TNFRSF8: variants seen among roughly 807,000 people sequenced by gnomAD.
The protein encoded by TNFRSF8 is tumor necrosis factor receptor superfamily member 8.
In TNFRSF8, 26 loss-of-function variants were observed where a neutral mutation model predicts 70.8. That is an observed-to-expected ratio of 0.37 (90% CI 0.27 to 0.51). The LOEUF (loss-of-function observed/expected upper bound fraction) is 0.51. Among genes scored for constraint, TNFRSF8 ranks in the 20% least tolerant of loss-of-function variants. TNFRSF8 has a pLI of 0.94. For synonymous variants in TNFRSF8, 356 were observed against 339.2 expected (o/e 1.05, Z -0.54); for missense variants, 720 against 807.9 (o/e 0.89, Z 1.32).
At chr1:12,079,973 G>A (rs1641035144) in intron 1 of TNFRSF8, among the ~76,000 whole-genome samples, 1 of 146,980 alleles carries the variant, frequency 6.8e-6, no homozygotes, top group African/African-American at 2.5e-5. Context: ...TTTTGAGGCA[G>A]GGTCTCACTC....
rs1393616606 is a variant in TNFRSF8, at chr1:12,108,303, C to T, written c.422-1263C>T. ...CTATGTTGTCCAGGCTGGTCTCGAACTCCTGACCTCATGATCCGCCCACCT... is the reference window on the plus strand; with the variant it reads ...CTATGTTGTCCAGGCTGGTCTCGAATTCCTGACCTCATGATCCGCCCACCT... On this transcript the variant is annotated intron_variant, in intron 4 of 14. Transcript: ENST00000263932. This position sits in a 1 kb window ranked among gnomAD's most constrained non-coding sequence, Gnocchi z 4.0. Among the ~76,000 whole-genome samples, 1 of 151,152 alleles carries T rather than the reference C, an allele frequency of 6.6e-6. No homozygotes were observed. The highest frequency in any genetic ancestry group is 1.5e-5 in the Non-Finnish European group (1 of 67,826).
intron 4 of TNFRSF8, among the ~76,000 whole-genome samples, chr1:12,105,571 T>TCACA (rs1375624859): frequency 1.7e-4 from 8 of 47,150 alleles, no homozygotes; most frequent in South Asian, 1.5e-3. Context: ...TCTCTCTCTG[T>TCACA]CTCACACACA....
At chr1:12,117,561 C>T (rs538981895) in intron 8 of TNFRSF8, among the ~76,000 whole-genome samples, 7 of 152,142 alleles carry the variant, frequency 4.6e-5, no homozygotes, top group African/African-American at 1.2e-4. Flanking sequence ...TCACACTCTC[C>T]GCCCATGGGC....
chr1:12,067,385 C>T (rs565179367), intron 1 of TNFRSF8, among the ~76,000 whole-genome samples: 2 of 152,228 alleles, frequency 1.3e-5, no homozygotes, highest in Admixed American at 1.3e-4. Flanking sequence ...CAGGAAGGTT[C>T]TCATGAAAGT....
At chr1:12,130,799 T>C (rs1382035163) in intron 12 of TNFRSF8, among the ~76,000 whole-genome samples, 1 of 152,218 alleles carries the variant, frequency 6.6e-6, no homozygotes, top group African/African-American at 2.4e-5. Context: ...AAGAAGACAG[T>C]GGTTATTCCA....
chr1:12,102,319 TGAG>T (rs1425809000), intron 3 of TNFRSF8, among the ~76,000 whole-genome samples: 2 of 152,192 alleles, frequency 1.3e-5, no homozygotes, highest in Non-Finnish European at 1.5e-5. Context: ...GCATGAGTGA[TGAG>T]GAGCTATCCA....
chr1:12,143,172 C>T lies in TNFRSF8; in HGVS notation c.*641C>T, dbSNP rs2101056223. 6.5e-6 allele frequency: 1 copy of T among 152,734 alleles called. No individual in the cohort carries two copies. Among genetic ancestry groups the T allele is most frequent in the South Asian group, 2.1e-4 (1 of 4,872 alleles). 9.5% of individuals were successfully genotyped at this position (152,734 alleles called of 1,614,324 possible). Reference sequence around the variant, plus strand: ...AGGGCCCCTGCCTGGACTGTGGGACCCTCCTGGTGCTGCCCACCTTCCCTG... The same window carrying T: ...AGGGCCCCTGCCTGGACTGTGGGACTCTCCTGGTGCTGCCCACCTTCCCTG... On this transcript the variant is annotated 3_prime_UTR_variant, in exon 15 of 15. Coordinates refer to ENST00000263932, the MANE Select transcript of TNFRSF8 (RefSeq NM_001243.5). This position sits in a 1 kb window ranked among gnomAD's most constrained non-coding sequence, Gnocchi z 4.1.
At chr1:12,064,200 C>G (rs1640697934) in intron 1 of TNFRSF8, among the ~76,000 whole-genome samples, 1 of 152,168 alleles carries the variant, frequency 6.6e-6, no homozygotes, top group Non-Finnish European at 1.5e-5. Flanking sequence ...ATTAGCTTCC[C>G]CAATCCGCGT....
intron 14 of TNFRSF8, among the ~76,000 whole-genome samples, chr1:12,139,733 C>T (rs1642219330): frequency 6.6e-6 from 1 of 152,190 alleles, no homozygotes; most frequent in Admixed American, 6.5e-5. Context: ...GGGCAGTCAT[C>T]TTCTCTTTTT....
intron 1 of TNFRSF8, among the ~76,000 whole-genome samples, chr1:12,082,487 C>A (rs1641081477): frequency 6.7e-6 from 1 of 149,666 alleles, no homozygotes; most frequent in Non-Finnish European, 1.5e-5. Context: ...GAGGCTGAGG[C>A]TGCAGTGAGC....
At chr1:12,107,467 G>A (rs1374189547) in intron 4 of TNFRSF8, among the ~76,000 whole-genome samples, 2 of 152,060 alleles carry the variant, frequency 1.3e-5, no homozygotes, top group East Asian at 3.8e-4. Context: ...TGTACAATAT[G>A]CACTGGATTT....
In TNFRSF8 at chr1:12,138,304, A is replaced by G. The variant is rs767741351; in HGVS notation, c.1411A>G (p.Thr471Ala). 1 of 1,609,100 alleles carries G rather than the reference A, an allele frequency of 6.2e-7. No individual in the cohort carries two copies. Among genetic ancestry groups the G allele is most frequent in the Non-Finnish European group, 8.5e-7 (1 of 1,178,560 alleles). The part of the protein sequence containing the change: ...RGLMSQPLME[T>A]CHSVGAAYLE... The stretch of plus-strand genomic sequence containing the variant: ...GTTAATGAGCCAGCCACTGATGGAG[A>G]CCTGCCACAGCGTGGGGGCAGCCTA... Residue 471 changes from threonine (T) to alanine (A), a missense_variant, in exon 14 of 15, where the codon ACC (threonine) becomes GCC (alanine). Physicochemically the swap from Thr to Ala is moderately conservative, Grantham distance 58 (BLOSUM62 0). Transcript: ENST00000263932. The surrounding 1 kb of genome is among the most constrained non-coding windows in gnomAD (Gnocchi z 5.7).
At chr1:12,136,870 CTTT>C (rs201470263) in intron 13 of TNFRSF8, among the ~76,000 whole-genome samples, 78 of 118,708 alleles carry the variant, frequency 6.6e-4, no homozygotes, top group African/African-American at 2.1e-3. Flanking sequence ...ATACTCAGTT[CTTT>C]TTTTTTTTTT....
intron 8 of TNFRSF8, 74 bp downstream of exon 8, chr1:12,115,803 A>C: frequency 6.5e-7 from 1 of 1,539,696 alleles, no homozygotes; most frequent in Non-Finnish European, 8.8e-7. Flanking sequence ...CTCCCCACCA[A>C]CAGCCAGGGG....
At chr1:12,107,582 T>G (rs1641547358) in intron 4 of TNFRSF8, among the ~76,000 whole-genome samples, 1 of 137,394 alleles carries the variant, frequency 7.3e-6, no homozygotes, top group African/African-American at 2.9e-5. Flanking sequence ...GAAAATTAAT[T>G]GCACTGATTT....
At chr1:12,128,805 C>T (rs761653311) in intron 12 of TNFRSF8, among the ~76,000 whole-genome samples, 7 of 150,282 alleles carry the variant, frequency 4.7e-5, no homozygotes, top group Non-Finnish European at 8.9e-5. Context: ...GGGAAAACCT[C>T]CTGGTTGAGA....
In TNFRSF8 at chr1:12,092,160, T is replaced by G. The variant is rs527336020; in HGVS notation, c.152-4941T>G. On this transcript the variant is annotated intron_variant, in intron 2 of 14. Transcript: ENST00000263932. ...GTGTCCAAATTTCCCCTTTTCTTAT[T>G]TATTTTATTTCATCTGTACTGTATT... Among the ~76,000 whole-genome samples, 74 of 152,264 alleles carry G rather than the reference T, an allele frequency of 4.9e-4. 1 individual carries two copies. The highest frequency in any genetic ancestry group is 3.4e-3 in the Middle Eastern group (1 of 294).
intron 1 of TNFRSF8, among the ~76,000 whole-genome samples, chr1:12,080,022 C>T (rs934441564): frequency 6.7e-6 from 1 of 149,942 alleles, no homozygotes; most frequent in African/African-American, 2.5e-5. Flanking sequence ...GATCTCGGCT[C>T]ACTGCAACCT....
At chr1:12,067,696 C>T (rs746113515) in intron 1 of TNFRSF8, among the ~76,000 whole-genome samples, 2 of 151,810 alleles carry the variant, frequency 1.3e-5, no homozygotes, top group Admixed American at 6.6e-5. Flanking sequence ...GGAATTTTAG[C>T]TGGGGTGATA....
Sources: gnomAD v4.1 joint callset for allele counts (sites outside exome capture counted in the v4.1 genomes callset) on GRCh38, gnomAD v4.1.1 for gene constraint, Gnocchi (gnomAD v3.1) non-coding constraint, MANE v1.5 for transcripts, NCBI Gene and HGNC (gene_info 2026-07-23, HGNC 2026-07-21) for gene names.